Variants in ZFHX3 observed in about 807,000 individuals in gnomAD.
ZFHX3 encodes zinc finger homeobox 3.
Under a neutral mutation model 279.1 loss-of-function variants are expected in ZFHX3, and 42 were observed. The observed-to-expected ratio is 0.15, with a 90% CI of 0.12 to 0.19. The LOEUF is 0.19. Ranked by LOEUF, ZFHX3 falls within the 10% of genes least tolerant of loss-of-function variation. ZFHX3 has a pLI of 1.00. For synonymous variants in ZFHX3, 2,293 were observed against 1,957.8 expected (o/e 1.17, Z -4.52); for missense variants, 4,981 against 4,754.0 (o/e 1.05, Z -1.40).
chr16:73,512,047 G>A (rs997711762), intron 2 of ZFHX3, among the ~76,000 whole-genome samples: 9 of 152,110 alleles, frequency 5.9e-5, no homozygotes, highest in Admixed American at 5.2e-4. Context: ...GACGACTCAA[G>A]TGGAGAAATA....
intron 5 of ZFHX3, among the ~76,000 whole-genome samples, chr16:73,235,061 T>C (rs1363491290): frequency 6.6e-6 from 1 of 152,332 alleles, no homozygotes; most frequent in East Asian, 1.9e-4. Context: ...TACTTACTTT[T>C]TCTTTCTTTA....
intron 6 of ZFHX3, among the ~76,000 whole-genome samples, chr16:73,135,771 G>A (rs545208124): frequency 1.3e-5 from 2 of 152,286 alleles, no homozygotes; most frequent in African/African-American, 4.8e-5. Context: ...CTAAAGTTGA[G>A]TAGCAGCTGC....
intron 1 of ZFHX3, among the ~76,000 whole-genome samples, chr16:73,842,764 C>T (rs1371697530): frequency 6.6e-6 from 1 of 152,142 alleles, no homozygotes; most frequent in Non-Finnish European, 1.5e-5. Flanking sequence ...GCTGCGCAAC[C>T]ACCAGCCATA....
At chr16:73,604,266 T>C (rs972912936) in intron 2 of ZFHX3, among the ~76,000 whole-genome samples, 16 of 151,840 alleles carry the variant, frequency 1.1e-4, no homozygotes, top group Admixed American at 9.2e-4. Context: ...CCCCATTTTT[T>C]CCCCCTAGTT....
At chr16:73,400,058 G>C (rs945084256) in intron 3 of ZFHX3, 1 of 149,512 alleles carries the variant, frequency 6.7e-6, no homozygotes, top group Non-Finnish European at 1.5e-5. Flanking sequence ...TAGTGAATCA[G>C]AGAATGTCAA....
chr16:73,053,722 G>A (rs1481368277), intron 1 of ZFHX3, among the ~76,000 whole-genome samples: 1 of 152,164 alleles, frequency 6.6e-6, no homozygotes, highest in African/African-American at 2.4e-5. Context: ...TTTGAACCCA[G>A]ACCTGGCAGC....
chr16:73,429,240 T>G (rs1165217963), intron 3 of ZFHX3, among the ~76,000 whole-genome samples: 4 of 151,994 alleles, frequency 2.6e-5, no homozygotes, highest in African/African-American at 9.7e-5. Flanking sequence ...TATAGGAGAG[T>G]GAAGCCGATA....
chr16:73,548,049 C>T (rs2020149634), intron 2 of ZFHX3, among the ~76,000 whole-genome samples: 1 of 152,206 alleles, frequency 6.6e-6, no homozygotes, highest in African/African-American at 2.4e-5. Flanking sequence ...GCTATAAACA[C>T]ACGAGTCTGG....
chr16:72,863,547 G>C (rs74849916), intron 4 of ZFHX3, among the ~76,000 whole-genome samples: 1 of 151,798 alleles, frequency 6.6e-6, no homozygotes, highest in Admixed American at 6.6e-5. Flanking sequence ...CAGAGAGAGA[G>C]AGAGAGAAAG....
chr16:73,370,538 T>A (rs371207612), intron 3 of ZFHX3, among the ~76,000 whole-genome samples: 1 of 152,172 alleles, frequency 6.6e-6, no homozygotes. Context: ...CTGGAGTGGC[T>A]AGCTGGGGGT....
At chr16:72,924,567 AG>A (rs1959339265) in intron 3 of ZFHX3, among the ~76,000 whole-genome samples, 1 of 152,118 alleles carries the variant, frequency 6.6e-6, no homozygotes, top group South Asian at 2.1e-4. Flanking sequence ...GGATATTCTC[AG>A]GCCGAATGAG....
intron 1 of ZFHX3, among the ~76,000 whole-genome samples, chr16:73,886,457 C>T (rs750125756): frequency 2.0e-5 from 3 of 152,138 alleles, no homozygotes; most frequent in African/African-American, 4.8e-5. Flanking sequence ...CTAAGACAGA[C>T]GGACTTTAAT....
chr16:73,684,601 G>C (rs2053059586), intron 1 of ZFHX3, among the ~76,000 whole-genome samples: 1 of 152,014 alleles, frequency 6.6e-6, no homozygotes, highest in Admixed American at 6.5e-5. Context: ...GAGGATTTAA[G>C]GTTGCAGATG....
At chr16:73,813,366 G>A (rs1051151438) in intron 1 of ZFHX3, among the ~76,000 whole-genome samples, 20 of 151,988 alleles carry the variant, frequency 1.3e-4, no homozygotes, top group African/African-American at 4.4e-4. Context: ...ATAGAGGACA[G>A]CGGCCAGGAC....
intron 3 of ZFHX3, among the ~76,000 whole-genome samples, chr16:73,331,203 A>G (rs2015796068): frequency 6.6e-6 from 1 of 152,200 alleles, no homozygotes; most frequent in South Asian, 2.1e-4. Flanking sequence ...TAAAACCATC[A>G]GATCTCGTGA....
At chr16:72,893,632 T>C (rs1357672518) in intron 3 of ZFHX3, among the ~76,000 whole-genome samples, 1 of 152,230 alleles carries the variant, frequency 6.6e-6, no homozygotes, top group Non-Finnish European at 1.5e-5. Context: ...CTGCCATGAA[T>C]TATTCTGTCT....
rs1031037778 is a variant in ZFHX3 at position 73,780,006 on chromosome 16, C to CT, written c.-1607-99767dup. Among the ~76,000 whole-genome samples, 161 of 145,552 alleles carry CT rather than the reference C, an allele frequency of 1.1e-3. 2 individuals carry two copies. The highest frequency in any genetic ancestry group is 3.3e-3 in the African/African-American group (133 of 40,184). ...CACTGGATCCCAAGCCTTTCTAAGA[C>CT]TTTTTTTTCTCTCTTCACCTAGCGC... On this transcript the variant is annotated intron_variant, in intron 1 of 17. Coordinates refer to the ZFHX3 transcript ENST00000641206.
intron 2 of ZFHX3, among the ~76,000 whole-genome samples, chr16:72,956,288 G>A (rs765761889): frequency 2.6e-5 from 4 of 152,188 alleles, no homozygotes; most frequent in Non-Finnish European, 5.9e-5. Context: ...CTGTTGCCAA[G>A]AACAACCTAT....
chr16:73,674,260 A>C (rs1330265569), intron 2 of ZFHX3, among the ~76,000 whole-genome samples: 1 of 152,216 alleles, frequency 6.6e-6, no homozygotes, highest in Admixed American at 6.5e-5. Context: ...GAATACAAAA[A>C]AGTAACAGAA....
Sources: allele counts gnomAD v4.1 joint callset (sites outside exome capture counted in the v4.1 genomes callset), GRCh38; gene constraint gnomAD v4.1.1; transcripts MANE v1.5; gene names NCBI Gene and HGNC (gene_info 2026-07-23, HGNC 2026-07-21).